The following TNR variants were observed in gnomAD, a reference collection of about 807,000 sequenced individuals.
TNR encodes the protein tenascin R.
A neutral mutation model predicts 150.4 loss-of-function variants in TNR; 45 were observed. That is an observed-to-expected ratio of 0.30 (90% CI 0.24 to 0.38). TNR has a LOEUF of 0.38. Among genes scored for constraint, TNR ranks in the 10% least tolerant of loss-of-function variants. The pLI is 1.00. For synonymous variants in TNR, 687 were observed against 678.4 expected, an observed-to-expected ratio of 1.01 and a Z score of -0.20; for missense variants, 1,544 against 1,759.1, an observed-to-expected ratio of 0.88 and a Z score of 2.19.
At chr1:175,395,064 TAA>T (rs68110024) in intron 5 of TNR, among the ~76,000 whole-genome samples, 25 of 152,082 alleles carry the variant, frequency 1.6e-4, no homozygotes, top group East Asian at 7.7e-4. Flanking sequence ...ATTTTTTTTT[TAA>T]AAAAAGGTCA....
chr1:175,470,614 G>A lies in TNR; in HGVS notation c.-64+57655C>T, dbSNP rs74127304. Among the ~76,000 whole-genome samples the A allele has an allele frequency of 4.2e-3, 638 of 152,114 alleles. 3 individuals are homozygous for A. The highest frequency in any genetic ancestry group is 0.015 in the African/African-American group (621 of 41,488). ...GAAATAAGTTAATCATGGAGAATGGGGTATCTATCCCTTCAAACATTCTCT... is the reference window on the plus strand; with the variant it reads ...GAAATAAGTTAATCATGGAGAATGGAGTATCTATCCCTTCAAACATTCTCT... On this transcript the variant is annotated intron_variant, in intron 2 of 22. Coordinates refer to ENST00000367674, the MANE Select transcript of TNR (RefSeq NM_003285.3).
chr1:175,715,278 A>G (rs1667124872), intron 1 of TNR, among the ~76,000 whole-genome samples: 1 of 152,040 alleles, frequency 6.6e-6, no homozygotes, highest in Non-Finnish European at 1.5e-5. Context: ...TGTCACCTAG[A>G]AGGGTTTCTT....
intron 18 of TNR, among the ~76,000 whole-genome samples, chr1:175,343,421 G>A (rs1197901388): frequency 6.6e-6 from 1 of 152,218 alleles, no homozygotes; most frequent in East Asian, 1.9e-4. Context: ...AGAGACACCT[G>A]TTCTGACGAC....
chr1:175,498,762 C>T (rs1571525295), intron 2 of TNR, among the ~76,000 whole-genome samples: 2 of 152,026 alleles, frequency 1.3e-5, no homozygotes, highest in South Asian at 2.1e-4. Context: ...CAAAACCTGA[C>T]GATATAAAAG....
intron 1 of TNR, among the ~76,000 whole-genome samples, chr1:175,700,498 C>T (rs1666659064): frequency 6.6e-6 from 1 of 152,108 alleles, no homozygotes; most frequent in South Asian, 2.1e-4. Flanking sequence ...ATGCAGCTTC[C>T]TTGGTTTCCT....
At chr1:175,498,998 AAAC>A (rs1658609586) in intron 2 of TNR, among the ~76,000 whole-genome samples, 1 of 152,244 alleles carries the variant, frequency 6.6e-6, no homozygotes, top group African/African-American at 2.4e-5. Context: ...TTAAAAAGAA[AAAC>A]AACAAGAGAG....
intron 2 of TNR, among the ~76,000 whole-genome samples, chr1:175,503,598 C>G (rs1205051277): frequency 6.6e-6 from 1 of 152,072 alleles, no homozygotes; most frequent in Admixed American, 6.6e-5. Context: ...TACCTTGGGC[C>G]CCGGGCAGGC....
At chr1:175,694,805 A>G (rs186261859) in intron 1 of TNR, among the ~76,000 whole-genome samples, 215 of 152,278 alleles carry the variant, frequency 1.4e-3, no homozygotes, top group Non-Finnish European at 2.5e-3. Flanking sequence ...TGAGAAGAAG[A>G]CATCTACAAT....
At chr1:175,502,856 T>C (rs939924811) in intron 2 of TNR, among the ~76,000 whole-genome samples, 1 of 152,136 alleles carries the variant, frequency 6.6e-6, no homozygotes, top group Non-Finnish European at 1.5e-5. Context: ...TCAGAAGGTA[T>C]GAAAGACATG....
chr1:175,519,079 T>C (rs764999096), intron 2 of TNR, among the ~76,000 whole-genome samples: 35 of 152,224 alleles, frequency 2.3e-4, no homozygotes, highest in Non-Finnish European at 4.0e-4. Flanking sequence ...CTATTGCCAT[T>C]GTCACTCTTA....
intron 8 of TNR, among the ~76,000 whole-genome samples, chr1:175,383,489 GTT>G (rs1652778357): frequency 6.6e-6 from 1 of 152,168 alleles, no homozygotes. Context: ...GCAGGGAGGG[GTT>G]TTGGAGATTG....
chr1:175,383,809 T>A (rs1233537297), intron 8 of TNR, among the ~76,000 whole-genome samples: 1 of 152,160 alleles, frequency 6.6e-6, no homozygotes, highest in Non-Finnish European at 1.5e-5. Flanking sequence ...GGAGAATCTG[T>A]CTGCAGTGCT....
At chr1:175,542,772 C>T (rs1571583696) in intron 1 of TNR, among the ~76,000 whole-genome samples, 1 of 152,232 alleles carries the variant, frequency 6.6e-6, no homozygotes, top group East Asian at 1.9e-4. Context: ...CATACATATA[C>T]ACACACATAT....
At chr1:175,634,574 G>A (rs1007988486) in intron 1 of TNR, among the ~76,000 whole-genome samples, 7 of 152,206 alleles carry the variant, frequency 4.6e-5, no homozygotes, top group Non-Finnish European at 7.3e-5. Flanking sequence ...AAATGTGGGC[G>A]TTGTTTGGGA....
At chr1:175,606,235 C>T (rs1663399806) in intron 1 of TNR, among the ~76,000 whole-genome samples, 1 of 152,130 alleles carries the variant, frequency 6.6e-6, no homozygotes, top group African/African-American at 2.4e-5. Flanking sequence ...GACTGTGGGG[C>T]CCTCTGTCAA....
At chr1:175,652,521 T>C (rs1233193156) in intron 1 of TNR, among the ~76,000 whole-genome samples, 1 of 152,174 alleles carries the variant, frequency 6.6e-6, no homozygotes, top group African/African-American at 2.4e-5. Context: ...TCATGTTAAA[T>C]TGGCAGAGGG....
intron 1 of TNR, among the ~76,000 whole-genome samples, chr1:175,732,337 G>A (rs1667664114): frequency 6.6e-6 from 1 of 152,208 alleles, no homozygotes; most frequent in Non-Finnish European, 1.5e-5. Context: ...AAGTGAATAA[G>A]CCACAAAGTG....
chr1:175,493,669 C>T (rs185127266), intron 2 of TNR, among the ~76,000 whole-genome samples: 6 of 152,354 alleles, frequency 3.9e-5, no homozygotes, highest in South Asian at 2.1e-4. Flanking sequence ...TTCCCGACTC[C>T]GGTTGGTGTC....
Position 175,403,287 on chromosome 1 carries a change from C to T in TNR, c.829G>A (p.Ala277Thr). 6.2e-7 allele frequency: 1 copy of T among 1,614,172 alleles called. No individual in the cohort carries two copies. The highest frequency in any genetic ancestry group is 1.3e-5 in the African/African-American group (1 of 75,038). The change falls in exon 4 of 23, where the codon GCC (alanine) becomes ACC (threonine). Residue 277 changes from alanine (A) to threonine (T), a missense_variant. By Grantham distance (58) the Ala-to-Thr change is moderately conservative (BLOSUM62 0). Around this residue, in one of 2 missense-constraint regions of TNR, gnomAD observed 1,254 missense variants for 1,329.4 expected, o/e 0.94. Transcript: ENST00000367674. ...TCCTCGCATAAACAGGTACCGTTGG[C>T]ACATCTCCCCTTCCCCGAACAGTCC... ...PGDCSGKGRC[A>T]NGTCLCEEGY...
Sources: allele counts gnomAD v4.1 joint callset (sites outside exome capture counted in the v4.1 genomes callset), GRCh38; gene constraint gnomAD v4.1.1; regional missense constraint gnomAD v4.1.1; transcripts MANE v1.5; gene names NCBI Gene and HGNC (gene_info 2026-07-23, HGNC 2026-07-21).